Variants in YY1 observed in about 807,000 individuals in gnomAD.
YY1 encodes YY1 transcription factor, also known as transcriptional repressor protein YY1.
A neutral mutation model predicts 35.6 loss-of-function variants in YY1; 2 were observed. That is an observed-to-expected ratio of 0.06 (90% CI 0.02 to 0.18). The LOEUF is 0.18. Ranked by LOEUF, YY1 falls within the 10% of genes least tolerant of loss-of-function variation. The pLI is 1.00. For missense variants in YY1, 322 were observed against 573.4 expected, an observed-to-expected ratio of 0.56 and a Z score of 4.48; for synonymous variants, 268 against 238.9, an observed-to-expected ratio of 1.12 and a Z score of -1.12.
In YY1 at chr14:100,239,733, CTCG is replaced by C. The variant is rs1253307700; in HGVS notation, c.499_501del (p.Ser167del). ...CGGCCGGCAAGAGCGGCGGCGGCGG[CTCG>C]TCGTCGTCGGGAGGCGGCCGCGTCA... On this transcript the variant is annotated inframe_deletion, in exon 1 of 5. Coordinates refer to ENST00000262238, the MANE Select transcript of YY1 (RefSeq NM_003403.5). 2.5e-6 allele frequency: 4 copies of C among 1,591,542 alleles called. No individual in the cohort carries two copies. Among genetic ancestry groups the C allele is most frequent in the East Asian group, 2.3e-5 (1 of 44,140 alleles).
chr14:100,267,754 C>A (rs1891176577), intron 2 of YY1, among the ~76,000 whole-genome samples: 1 of 152,152 alleles, frequency 6.6e-6, no homozygotes, highest in East Asian at 1.9e-4. Flanking sequence ...GATCTCTCGA[C>A]CTCGTGATCC....
intron 2 of YY1, among the ~76,000 whole-genome samples, chr14:100,267,144 G>A (rs1891167246): frequency 2.6e-5 from 4 of 152,030 alleles, no homozygotes; most frequent in South Asian, 2.1e-4. Context: ...AAAGGCAATC[G>A]GAAACTCCAT....
At chr14:100,266,259 A>G (rs1298198663) in intron 2 of YY1, among the ~76,000 whole-genome samples, 2 of 152,176 alleles carry the variant, frequency 1.3e-5, no homozygotes, top group Admixed American at 6.5e-5. Flanking sequence ...ACCATGTCAG[A>G]GGGTAAGAGG....
intron 1 of YY1, among the ~76,000 whole-genome samples, chr14:100,241,347 G>A (rs74820756): frequency 2.6e-3 from 396 of 152,228 alleles, no homozygotes; most frequent in African/African-American, 8.9e-3. Flanking sequence ...GTTAAAATTC[G>A]GAGGAATGAA....
Position 100,276,972 on chromosome 14 carries a change from T to C in YY1, c.1062+324T>C, listed in dbSNP as rs1478313557. ...TTACAGGATTGAAGTAATTTATTTT[T>C]GGTAGTTAATAGTATAATTACTAAC... On this transcript the variant is annotated intron_variant, in intron 4 of 4. Coordinates refer to ENST00000262238, the MANE Select transcript of YY1 (RefSeq NM_003403.5). The surrounding 1 kb of genome is among the most constrained non-coding windows in gnomAD (Gnocchi z 4.1). 8 of 429,210 alleles carry C rather than the reference T, an allele frequency of 1.9e-5. No individual in the cohort carries two copies. The highest frequency in any genetic ancestry group is 3.4e-5 in the Non-Finnish European group (8 of 233,208). The allele number at this position is 429,210 out of a possible 1,614,324, so 26.6% of individuals were successfully genotyped here. A position where few individuals can be genotyped will look rare whatever the true frequency, so the allele number is the denominator to read the frequency against.
At chr14:100,244,427 C>T (rs1479690990) in intron 1 of YY1, among the ~76,000 whole-genome samples, 18 of 142,336 alleles carry the variant, frequency 1.3e-4, no homozygotes, top group African/African-American at 4.0e-4. Flanking sequence ...CCGAGTAGCA[C>T]GTGCCACCAT....
At chr14:100,240,827 T>C (rs1447547990) in intron 1 of YY1, among the ~76,000 whole-genome samples, 1 of 152,192 alleles carries the variant, frequency 6.6e-6, no homozygotes, top group Non-Finnish European at 1.5e-5. Flanking sequence ...ATTTAGCTCT[T>C]CTGAATAGGT....
chr14:100,239,551 G>A lies in YY1; in HGVS notation c.307G>A (p.Val103Met). The change falls in exon 1 of 5, where the codon GTG becomes ATG. Residue 103 changes from valine (V) to methionine (M), a missense_variant. Physicochemically the swap from Val to Met is conservative, Grantham distance 21. Around this residue, in one of 4 missense-constraint regions of YY1, gnomAD observed 137 missense variants for 167.0 expected, o/e 0.82. Coordinates refer to ENST00000262238, the MANE Select transcript of YY1 (RefSeq NM_003403.5). Reference protein sequence around the residue: ...DPTQVHHHQEVILVQTREEVV... With the variant: ...DPTQVHHHQEMILVQTREEVV... ...GACCCAGGTGCACCACCACCAGGAG[G>A]TGATCCTGGTGCAGACGCGCGAGGA... 6.2e-7 allele frequency: 1 copy of A among 1,612,638 alleles called. No homozygotes were observed. Among genetic ancestry groups the A allele is most frequent in the Non-Finnish European group, 8.5e-7 (1 of 1,179,718 alleles).
At position 100,282,299 on chromosome 14, in the gene YY1, A is replaced by G. The variant is rs1265674960; in HGVS notation, c.*4699A>G. On this transcript the variant is annotated 3_prime_UTR_variant, in exon 5 of 5. Transcript: ENST00000262238. ...TTTCATGAGACACCCAGATGCTGTAAAAAAAAAAAACAGCACTGGGATGTG... is the reference window on the plus strand; with the variant it reads ...TTTCATGAGACACCCAGATGCTGTAGAAAAAAAAAACAGCACTGGGATGTG... 3 of 2,388 alleles carry G rather than the reference A, an allele frequency of 1.3e-3. No homozygotes were observed. The highest frequency in any genetic ancestry group is 6.0e-3 in the Non-Finnish European group (3 of 496). 0.1% of individuals were successfully genotyped at this position (2,388 alleles called of 1,614,324 possible).
chr14:100,274,888 A>G, intron 3 of YY1, 130 bp downstream of exon 3: 2 of 960,614 alleles, frequency 2.1e-6, no homozygotes, highest in East Asian at 2.6e-5. Context: ...TTCGGTTTCT[A>G]AATCCAAGAG....
chr14:100,241,984 G>C (rs747655445), intron 1 of YY1, among the ~76,000 whole-genome samples: 2 of 149,246 alleles, frequency 1.3e-5, no homozygotes, highest in African/African-American at 4.9e-5. Flanking sequence ...CAAAAGGGGG[G>C]GGGGGGCATT....
In YY1 at chr14:100,276,686, C is replaced by T; in HGVS notation, c.1062+38C>T. 1 of 1,613,682 alleles carries T rather than the reference C, an allele frequency of 6.2e-7. No homozygotes were observed. Among genetic ancestry groups the T allele is most frequent in the Non-Finnish European group, 8.5e-7 (1 of 1,179,912 alleles). On this transcript the variant is annotated intron_variant, in intron 4 of 4. Transcript: ENST00000262238. The surrounding 1 kb of genome is among the most constrained non-coding windows in gnomAD (Gnocchi z 4.1). ...CCCTCTCTTCCCCACACTGCCTTGCCTGTCTGAACACTGCAAGTGTAGGTG... is the reference window on the plus strand; with the variant it reads ...CCCTCTCTTCCCCACACTGCCTTGCTTGTCTGAACACTGCAAGTGTAGGTG...
intron 1 of YY1, among the ~76,000 whole-genome samples, chr14:100,243,195 A>G (rs1204313691): frequency 6.6e-6 from 1 of 152,256 alleles, no homozygotes; most frequent in Non-Finnish European, 1.5e-5. Flanking sequence ...GTATAATTCC[A>G]TAACAAGTGG....
rs534992975 is a variant in YY1 at position 100,277,242 on chromosome 14, G to A, written c.1063-176G>A. On this transcript the variant is annotated intron_variant, in intron 4 of 4. Coordinates refer to ENST00000262238, the MANE Select transcript of YY1 (RefSeq NM_003403.5). The surrounding 1 kb of genome is among the most constrained non-coding windows in gnomAD (Gnocchi z 5.6). ...TCGTGAGGGCTCTCCTTGGGTTTTCGGGGTTGTCCAACCTGCCTGCTGATT... is the reference window on the plus strand; with the variant it reads ...TCGTGAGGGCTCTCCTTGGGTTTTCAGGGTTGTCCAACCTGCCTGCTGATT... The A allele has an allele frequency of 1.3e-3, 986 of 778,810 alleles. 4 individuals are homozygous for A. The highest frequency in any genetic ancestry group is 5.8e-3 in the Middle Eastern group (16 of 2,768). The allele number at this position is 778,810 out of a possible 1,614,324, so 48.2% of individuals were successfully genotyped here.
chr14:100,242,684 A>G (rs377035438), intron 1 of YY1, among the ~76,000 whole-genome samples: 1 of 151,768 alleles, frequency 6.6e-6, no homozygotes, highest in East Asian at 1.9e-4. Context: ...CACCGCGCCC[A>G]GCCAAGTGGC....
At chr14:100,258,473 A>G (rs536533154) in intron 1 of YY1, among the ~76,000 whole-genome samples, 38 of 152,318 alleles carry the variant, frequency 2.5e-4, no homozygotes, top group Non-Finnish European at 4.6e-4. Flanking sequence ...TTCTTTCTGA[A>G]CAAGAGGCAG....
intron 1 of YY1, among the ~76,000 whole-genome samples, chr14:100,261,435 C>T (rs946651668): frequency 8.6e-5 from 13 of 151,926 alleles, no homozygotes; most frequent in African/African-American, 2.7e-4. Flanking sequence ...AGCAATCCAC[C>T]GCCTCGGCCT....
chr14:100,242,026 G>A (rs539510226), intron 1 of YY1, among the ~76,000 whole-genome samples: 170 of 151,496 alleles, frequency 1.1e-3, no homozygotes, highest in Non-Finnish European at 1.8e-3. Flanking sequence ...GTAAGGGATG[G>A]GGGTTTTAGT....
Position 100,280,953 on chromosome 14 carries a change from G to A in YY1, c.*3353G>A, listed in dbSNP as rs1055174168. 4.6e-5 allele frequency: 7 copies of A among 151,466 alleles called. No individual in the cohort carries two copies. The highest frequency in any genetic ancestry group is 4.2e-4 in the South Asian group (2 of 4,784). The allele number at this position is 151,466 out of a possible 1,614,324, so 9.4% of individuals were successfully genotyped here. ...TTGGAATTGGAAGCCTGATAATTTC[G>A]GGAGGCTGAGGCAGGAGAACGGCGT... On this transcript the variant is annotated 3_prime_UTR_variant, in exon 5 of 5. Coordinates refer to ENST00000262238, the MANE Select transcript of YY1 (RefSeq NM_003403.5).
Sources: gnomAD v4.1 joint callset for allele counts (sites outside exome capture counted in the v4.1 genomes callset) on GRCh38, gnomAD v4.1.1 for gene constraint, gnomAD v4.1.1 regional missense constraint, Gnocchi (gnomAD v3.1) non-coding constraint, MANE v1.5 for transcripts, NCBI Gene and HGNC (gene_info 2026-07-23, HGNC 2026-07-21) for gene names.